The following ELL variants were observed in gnomAD, a reference collection of about 807,000 sequenced individuals.
ELL encodes the protein elongation factor for RNA polymerase II.
In ELL, 18 loss-of-function variants were observed where a neutral mutation model predicts 64.0. That is an observed-to-expected ratio of 0.28 (90% CI 0.19 to 0.42). The LOEUF is 0.42. Ranked by LOEUF, ELL falls within the 10% of genes least tolerant of loss-of-function variation. ELL has a pLI of 1.00. For missense variants in ELL, 797 were observed against 870.4 expected (o/e 0.92, Z 1.06); for synonymous variants, 399 against 376.2 (o/e 1.06, Z -0.70).
intron 6 of ELL, among the ~76,000 whole-genome samples, chr19:18,453,608 C>T (rs113896626): frequency 0.024 from 3,674 of 152,324 alleles, 95 homozygotes; most frequent in African/African-American, 0.067. Context: ...CAGTGGCTCA[C>T]GCCTCTAATC....
rs534419356 is a variant in ELL, at chr19:18,509,580, C to T, written c.135+12341G>A. 8.2e-4 allele frequency among the ~76,000 whole-genome samples: 111 copies of T among 135,312 alleles called. 2 individuals carry two copies. The highest frequency in any genetic ancestry group is 2.7e-3 in the African/African-American group (87 of 31,988). The allele number at this position is 135,312 out of a possible 152,430, so 88.8% of individuals were successfully genotyped here. On this transcript the variant is annotated intron_variant, in intron 1 of 11. Transcript: ENST00000262809. ...ACAGATGGAGACACAGGCCAATGCA[C>T]GTGCGCGCGCGCGCACATACACACA...
At chr19:18,508,314 A>C (rs1975928243) in intron 1 of ELL, among the ~76,000 whole-genome samples, 1 of 152,208 alleles carries the variant, frequency 6.6e-6, no homozygotes, top group African/African-American at 2.4e-5. Context: ...CTCTCTAAAA[A>C]ATAAAAACAA....
intron 6 of ELL, among the ~76,000 whole-genome samples, chr19:18,456,976 A>C (rs1451435048): frequency 2.0e-5 from 3 of 148,812 alleles, no homozygotes; most frequent in East Asian, 2.0e-4. Flanking sequence ...AAAAAAAAAA[A>C]CAGCTATGCA....
intron 1 of ELL, among the ~76,000 whole-genome samples, chr19:18,509,751 C>T (rs1975977141): frequency 6.6e-6 from 1 of 152,052 alleles, no homozygotes; most frequent in South Asian, 2.1e-4. Context: ...TCCTCCTCTT[C>T]CCTCCCACCC....
chr19:18,490,433 G>A (rs1348932414), intron 1 of ELL, among the ~76,000 whole-genome samples: 1 of 152,204 alleles, frequency 6.6e-6, no homozygotes, highest in Admixed American at 6.5e-5. Context: ...GCCTGACTTG[G>A]TGGTGACCTC....
intron 1 of ELL, among the ~76,000 whole-genome samples, chr19:18,476,642 G>A (rs1452209106): frequency 6.6e-6 from 1 of 152,194 alleles, no homozygotes; most frequent in Non-Finnish European, 1.5e-5. Context: ...AGAGGAGAAG[G>A]GCTGAGGGGC....
intron 1 of ELL, among the ~76,000 whole-genome samples, chr19:18,484,783 T>TA (rs1219473269): frequency 6.6e-6 from 1 of 152,240 alleles, no homozygotes; most frequent in Non-Finnish European, 1.5e-5. Context: ...AATCATTCAC[T>TA]AAAACTCACC....
At chr19:18,494,130 G>T (rs1276472086) in intron 1 of ELL, among the ~76,000 whole-genome samples, 3 of 152,158 alleles carry the variant, frequency 2.0e-5, no homozygotes, top group Admixed American at 6.5e-5. Flanking sequence ...TGGAGACTGA[G>T]GTAGGAGGAT....
At chr19:18,513,439 C>G (rs943608450) in intron 1 of ELL, among the ~76,000 whole-genome samples, 1 of 152,134 alleles carries the variant, frequency 6.6e-6, no homozygotes, top group African/African-American at 2.4e-5. Flanking sequence ...GAAGAAGAGA[C>G]GCAAAACCAT....
intron 1 of ELL, among the ~76,000 whole-genome samples, chr19:18,473,832 C>T (rs1474794369): frequency 6.6e-6 from 1 of 152,110 alleles, no homozygotes; most frequent in Non-Finnish European, 1.5e-5. Flanking sequence ...CCCCACTGCC[C>T]CACTCAGGTC....
chr19:18,458,103 G>T, intron 6 of ELL, 102 bp downstream of exon 6: 2 of 1,550,594 alleles, frequency 1.3e-6, no homozygotes, highest in Non-Finnish European at 1.7e-6. Context: ...CCCAAGCCCT[G>T]TGGCCTTCAG....
intron 1 of ELL, among the ~76,000 whole-genome samples, chr19:18,489,355 G>T (rs200315898): frequency 6.6e-6 from 1 of 152,208 alleles, no homozygotes; most frequent in African/African-American, 2.4e-5. Flanking sequence ...CAGATTTAGA[G>T]AAAGTCATGC....
chr19:18,513,167 C>T (rs1300157514), intron 1 of ELL, among the ~76,000 whole-genome samples: 3 of 152,296 alleles, frequency 2.0e-5, no homozygotes, highest in Admixed American at 6.5e-5. Flanking sequence ...AAATCGCAGC[C>T]TCATACTCCA....
At position 18,449,617 on chromosome 19, in the gene ELL, C is replaced by A. The variant is rs972387830; in HGVS notation, c.1465+860G>T. Among the ~76,000 whole-genome samples the A allele has an allele frequency of 6.6e-6, 1 of 152,220 alleles. No homozygotes were observed. Among genetic ancestry groups the A allele is most frequent in the Non-Finnish European group, 1.5e-5 (1 of 68,038 alleles). On this transcript the variant is annotated intron_variant, in intron 8 of 11. Coordinates refer to ENST00000262809, the MANE Select transcript of ELL (RefSeq NM_006532.4). The surrounding 1 kb of genome is among the most constrained non-coding windows in gnomAD (Gnocchi z 4.4). ...TCATCCCAGGAATCCCCTGACTCAG[C>A]CTCCTCCCCAGAGACACAACCCAAA...
rs79012978 is a variant in ELL, at chr19:18,444,947, C to G, written c.1750-79G>C. ...CGCTGTAAGCAGGCCAGTGTCCCCC[C>G]CAAACCAAAAACCTGGGCTTGGTGC... is the stretch of plus-strand genomic sequence containing the variant. On this transcript the variant is annotated intron_variant, in intron 11 of 11. Transcript: ENST00000262809. 3.7e-5 allele frequency: 55 copies of G among 1,477,294 alleles called. 1 individual carries two copies. In the East Asian group the frequency reaches 4.3e-4, roughly 12 times the overall value. 91.5% of individuals were successfully genotyped at this position (1,477,294 alleles called of 1,614,324 possible).
chr19:18,486,917 T>C (rs186153759), intron 1 of ELL, among the ~76,000 whole-genome samples: 61 of 152,234 alleles, frequency 4.0e-4, no homozygotes, highest in Middle Eastern at 6.8e-3. Context: ...GCCACAAAGG[T>C]TGGCATCGGG....
At chr19:18,451,721 G>A in intron 6 of ELL, 73 bp from the exon 7 acceptor site, 3 of 1,209,506 alleles carry the variant, frequency 2.5e-6, no homozygotes, top group Non-Finnish European at 3.3e-6. Context: ...TATCCACATG[G>A]GGGCCCGGTG....
chr19:18,502,131 C>A (rs1208590759), intron 1 of ELL, among the ~76,000 whole-genome samples: 1 of 152,124 alleles, frequency 6.6e-6, no homozygotes, highest in Non-Finnish European at 1.5e-5. Context: ...CTGCCTGGTG[C>A]CCCACAGCTC....
intron 1 of ELL, among the ~76,000 whole-genome samples, chr19:18,519,363 C>G (rs557555670): frequency 1.3e-5 from 2 of 152,314 alleles, no homozygotes; most frequent in African/African-American, 4.8e-5. Flanking sequence ...GAGAGTTTGT[C>G]CATAACCAGT....
Sources: allele counts gnomAD v4.1 joint callset (sites outside exome capture counted in the v4.1 genomes callset), GRCh38; gene constraint gnomAD v4.1.1; non-coding constraint Gnocchi (gnomAD v3.1); transcripts MANE v1.5; gene names NCBI Gene and HGNC (gene_info 2026-07-23, HGNC 2026-07-21).